The following ZNF462 variants were observed in gnomAD, a reference collection of about 807,000 sequenced individuals.
ZNF462 encodes the protein zinc finger protein 462, also known as zinc finger PBX1-interacting protein.
Under a neutral mutation model 201.9 loss-of-function variants are expected in ZNF462, and 10 were observed. That is an observed-to-expected ratio of 0.05 (90% CI 0.03 to 0.08). ZNF462 has a LOEUF of 0.08. Among genes scored for constraint, ZNF462 ranks in the 10% least tolerant of loss-of-function variants. The probability of loss-of-function intolerance (pLI) is 1.00; values close to 1 mark genes in which losing one functional copy is unlikely to be tolerated. For missense variants in ZNF462, 2,523 were observed against 3,168.3 expected, an observed-to-expected ratio of 0.80 and a Z score of 4.89; for synonymous variants, 1,227 against 1,193.3, an observed-to-expected ratio of 1.03 and a Z score of -0.58.
chr9:106,899,239 TGGGGGGGGGGGG>T (rs71384992), intron 1 of ZNF462, among the ~76,000 whole-genome samples: 1 of 57,502 alleles, frequency 1.7e-5, no homozygotes, highest in East Asian at 7.6e-4. Context: ...TGTGTGTGTG[TGGGGGGGGGGGG>T]GTGTGTGCAT....
rs970321323 is a variant in ZNF462, at chr9:106,870,319, G to A, written c.-31+6964G>A. On this transcript the variant is annotated intron_variant, in intron 1 of 12. Transcript: ENST00000277225. The surrounding 1 kb of genome is among the most constrained non-coding windows in gnomAD (Gnocchi z 4.3). Reference sequence around the variant, plus strand: ...AGGGAAGGTTTTTTTTGTGTGCCAGGTCATGGGTATTTTGGTATTGATTTC... The same window carrying A: ...AGGGAAGGTTTTTTTTGTGTGCCAGATCATGGGTATTTTGGTATTGATTTC... 4.6e-5 allele frequency among the ~76,000 whole-genome samples: 7 copies of A among 152,164 alleles called. No homozygotes were observed. Among genetic ancestry groups the A allele is most frequent in the Admixed American group, 2.0e-4 (3 of 15,294 alleles).
intron 7 of ZNF462, among the ~76,000 whole-genome samples, chr9:106,953,847 TG>T (rs1831462117): frequency 6.6e-6 from 1 of 152,166 alleles, no homozygotes; most frequent in Non-Finnish European, 1.5e-5. Context: ...CTTGTCCCTT[TG>T]CCAGAGCCCT....
At chr9:106,969,297 A>G (rs1036066404) in intron 7 of ZNF462, among the ~76,000 whole-genome samples, 27 of 152,332 alleles carry the variant, frequency 1.8e-4, no homozygotes, top group African/African-American at 6.3e-4. Flanking sequence ...GAGAAGGGCA[A>G]TGAGCCTCTG....
chr9:106,936,687 T>C (rs181437541), intron 6 of ZNF462, among the ~76,000 whole-genome samples: 20 of 152,322 alleles, frequency 1.3e-4, no homozygotes, highest in Admixed American at 1.3e-3. Flanking sequence ...CTAACTTGTG[T>C]ATATTGTAAA....
In ZNF462 at chr9:106,905,741, C is replaced by T. The variant is rs1041557540; in HGVS notation, c.-30-17613C>T. ...CATGAAGGGCTGGTCTCACTCTCAC[C>T]GTGACCCCCGCAACAGCCCCGAGTC... On this transcript the variant is annotated intron_variant, in intron 1 of 12. Coordinates refer to ENST00000277225, the MANE Select transcript of ZNF462 (RefSeq NM_021224.6). This position sits in a 1 kb window ranked among gnomAD's most constrained non-coding sequence, Gnocchi z 5.9. Among the ~76,000 whole-genome samples, 6 of 152,182 alleles carry T rather than the reference C, an allele frequency of 3.9e-5. 1 individual carries two copies. Among genetic ancestry groups the T allele is most frequent in the South Asian group, 2.1e-4 (1 of 4,822 alleles).
At chr9:106,882,296 A>G (rs1828133468) in intron 1 of ZNF462, among the ~76,000 whole-genome samples, 1 of 152,230 alleles carries the variant, frequency 6.6e-6, no homozygotes, top group Non-Finnish European at 1.5e-5. Context: ...GTCAAAATGT[A>G]TGGAGTCTGT....
At position 106,917,469 on chromosome 9, in the gene ZNF462, TGCATTG is replaced by T. The variant is rs1460789125; in HGVS notation, c.-30-5881_-30-5876del. ...CCAACTGTATACAACAGAGGCCACA[TGCATTG>T]GCAGGACTTCATCTCATGGTATTTC... On this transcript the variant is annotated intron_variant, in intron 1 of 12. Coordinates refer to ENST00000277225, the MANE Select transcript of ZNF462 (RefSeq NM_021224.6). This position sits in a 1 kb window ranked among gnomAD's most constrained non-coding sequence, Gnocchi z 4.5. Among the ~76,000 whole-genome samples, 2 of 152,220 alleles carry T rather than the reference TGCATTG, an allele frequency of 1.3e-5. No individual in the cohort carries two copies. The highest frequency in any genetic ancestry group is 4.8e-5 in the African/African-American group (2 of 41,464).
At position 106,929,918 on chromosome 9, in the gene ZNF462, C is replaced by G. The variant is rs187915966; in HGVS notation, c.5847+159C>G. Among the ~76,000 whole-genome samples, 18 of 152,234 alleles carry G rather than the reference C, an allele frequency of 1.2e-4. No homozygotes were observed. Among genetic ancestry groups the G allele is most frequent in the African/African-American group, 3.1e-4 (13 of 41,552 alleles). ...TTAAACATTTCGAGCTTGATTATCT[C>G]CCATTCTGTGCTCACCCCTCTCCTT... On this transcript the variant is annotated intron_variant, in intron 3 of 12. Coordinates refer to ENST00000277225, the MANE Select transcript of ZNF462 (RefSeq NM_021224.6). The surrounding 1 kb of genome is among the most constrained non-coding windows in gnomAD (Gnocchi z 8.7).
At position 107,009,784 on chromosome 9, in the gene ZNF462, G is replaced by C. The variant is rs1454183763; in HGVS notation, c.7313+116G>C. ...TACACCCCTCTGTGTCACATTTCTG[G>C]GCCGTGGGAGGAGAGGCAATGGTGA... On this transcript the variant is annotated intron_variant, in intron 12 of 12. Coordinates refer to ENST00000277225, the MANE Select transcript of ZNF462 (RefSeq NM_021224.6). The surrounding 1 kb of genome is among the most constrained non-coding windows in gnomAD (Gnocchi z 6.1). The C allele has an allele frequency of 1.4e-6, 2 of 1,435,946 alleles. No individual in the cohort carries two copies. The highest frequency in any genetic ancestry group is 1.9e-6 in the Non-Finnish European group (2 of 1,068,772). The allele number at this position is 1,435,946 out of a possible 1,614,324, so 89.0% of individuals were successfully genotyped here. A position where few individuals can be genotyped will look rare whatever the true frequency, so the allele number is the denominator to read the frequency against.
rs951858209 is a variant in ZNF462 at position 107,003,893 on chromosome 9, C to G, written c.7189+467C>G. On this transcript the variant is annotated intron_variant, in intron 11 of 12. Transcript: ENST00000277225. The surrounding 1 kb of genome is among the most constrained non-coding windows in gnomAD (Gnocchi z 4.4). Reference sequence around the variant, plus strand: ...GCCCCTACCCCCTGATGTCCCTCTGCGTGGCCCTTTTCTTAACCCCCTTTG... The same window carrying G: ...GCCCCTACCCCCTGATGTCCCTCTGGGTGGCCCTTTTCTTAACCCCCTTTG... Among the ~76,000 whole-genome samples the G allele has an allele frequency of 2.2e-4, 33 of 151,994 alleles. No individual in the cohort carries two copies. Among genetic ancestry groups the G allele is most frequent in the African/African-American group, 8.0e-4 (33 of 41,386 alleles).
At position 106,926,060 on chromosome 9, in the gene ZNF462, A is replaced by G; in HGVS notation, c.2148A>G (p.Ala716=). Residue 716 remains alanine (A), a synonymous_variant, in exon 3 of 13, where the codon GCA becomes GCG. Coordinates refer to ENST00000277225, the MANE Select transcript of ZNF462 (RefSeq NM_021224.6). This position sits in a 1 kb window ranked among gnomAD's most constrained non-coding sequence, Gnocchi z 7.9. ...KINQTKQQED[A]VINVEDDEEE... Reference sequence around the variant, plus strand: ...ACCAAACCAAACAGCAGGAAGATGCAGTGATCAATGTTGAGGATGATGAAG... The same window carrying G: ...ACCAAACCAAACAGCAGGAAGATGCGGTGATCAATGTTGAGGATGATGAAG... 3 of 1,614,240 alleles carry G rather than the reference A, an allele frequency of 1.9e-6. No individual in the cohort carries two copies. Among genetic ancestry groups the G allele is most frequent in the Non-Finnish European group, 2.5e-6 (3 of 1,180,046 alleles).
chr9:106,881,047 A>G (rs1828071799), intron 1 of ZNF462, among the ~76,000 whole-genome samples: 1 of 152,150 alleles, frequency 6.6e-6, no homozygotes, highest in Admixed American at 6.5e-5. Flanking sequence ...TTCCTGCGTC[A>G]TTCCAGGCAG....
chr9:107,010,908 G>A lies in ZNF462; in HGVS notation c.7399G>A (p.Glu2467Lys). The A allele has an allele frequency of 6.2e-7, 1 of 1,613,718 alleles. No homozygotes were observed. Among genetic ancestry groups the A allele is most frequent in the Non-Finnish European group, 8.5e-7 (1 of 1,179,860 alleles). ...GAACAGTGTTAAAATGCCCTCCATA[G>A]AGGAAAAGGAAGATGACGAGGCCAT... ...MENSVKMPSI[E>K]EKEDDEAIGI... Residue 2467 changes from glutamate (E) to lysine (K), a missense_variant, in exon 13 of 13, where the codon GAG (glutamate) becomes AAG (lysine). By Grantham distance (56) the Glu-to-Lys change is moderately conservative. Around this residue, in one of 15 missense-constraint regions of ZNF462, gnomAD observed 67 missense variants for 63.2 expected, o/e 1.06. Coordinates refer to ENST00000277225, the MANE Select transcript of ZNF462 (RefSeq NM_021224.6). The surrounding 1 kb of genome is among the most constrained non-coding windows in gnomAD (Gnocchi z 4.6).
chr9:106,867,708 G>T (rs529808702), intron 1 of ZNF462, among the ~76,000 whole-genome samples: 7 of 152,288 alleles, frequency 4.6e-5, no homozygotes, highest in African/African-American at 1.7e-4. Context: ...GAATGGTAAA[G>T]TTGCAATGGG....
rs1828278939 is a variant in ZNF462, at chr9:106,885,519, A to G, written c.-31+22164A>G. The stretch of plus-strand genomic sequence containing the variant: ...GTATAGTCTCTTTAAAGTTATTTTG[A>G]GGAGTTGGACACTACCTACTAGGTT... On this transcript the variant is annotated intron_variant, in intron 1 of 12. Transcript: ENST00000277225. This position sits in a 1 kb window ranked among gnomAD's most constrained non-coding sequence, Gnocchi z 4.1. 6.6e-6 allele frequency among the ~76,000 whole-genome samples: 1 copy of G among 152,186 alleles called. No individual in the cohort carries two copies. The highest frequency in any genetic ancestry group is 6.5e-5 in the Admixed American group (1 of 15,270).
At chr9:106,931,343 A>C (rs1317611082) in intron 4 of ZNF462, among the ~76,000 whole-genome samples, 1 of 152,154 alleles carries the variant, frequency 6.6e-6, no homozygotes, top group Admixed American at 6.5e-5. Flanking sequence ...GTCAGTAACC[A>C]AGCCACCATC....
intron 1 of ZNF462, among the ~76,000 whole-genome samples, chr9:106,918,298 G>A (rs915951456): frequency 2.6e-5 from 4 of 152,128 alleles, no homozygotes; most frequent in African/African-American, 4.8e-5. Context: ...CCATATATGA[G>A]TTAAAATTAA....
At chr9:106,939,938 C>T (rs370649504) in intron 7 of ZNF462, among the ~76,000 whole-genome samples, 2 of 152,190 alleles carry the variant, frequency 1.3e-5, no homozygotes, top group African/African-American at 2.4e-5. Context: ...TCTTCCAACC[C>T]CTTCTAATTC....
In ZNF462 at chr9:106,928,863, A is replaced by G. The variant is rs552077102; in HGVS notation, c.4951A>G (p.Thr1651Ala). The G allele has an allele frequency of 4.0e-5, 65 of 1,613,458 alleles. 1 individual carries two copies. In the South Asian group the frequency reaches 5.5e-4, roughly 14 times the overall value. ...EEPVSTSHFS[T>A]SHLVSHTVFR... ...GCCCGTGTCCACTTCTCACTTCTCT[A>G]CCTCCCACCTGGTCTCCCACACTGT... is the stretch of plus-strand genomic sequence containing the variant. Residue 1651 changes from threonine to alanine, a missense_variant, in exon 3 of 13, where the codon ACC becomes GCC. Thr to Ala is a moderately conservative substitution (Grantham distance 58). Transcript: ENST00000277225. This position sits in a 1 kb window ranked among gnomAD's most constrained non-coding sequence, Gnocchi z 9.3.
Sources: gnomAD v4.1 joint callset for allele counts (sites outside exome capture counted in the v4.1 genomes callset) on GRCh38, gnomAD v4.1.1 for gene constraint, gnomAD v4.1.1 regional missense constraint, Gnocchi (gnomAD v3.1) non-coding constraint, MANE v1.5 for transcripts, NCBI Gene and HGNC (gene_info 2026-07-23, HGNC 2026-07-21) for gene names.